The following NUMA1 variants were observed in gnomAD, a reference collection of about 807,000 sequenced individuals.
The protein encoded by NUMA1 is nuclear mitotic apparatus protein 1, also known as SP-H antigen.
NUMA1 carries 62 observed loss-of-function variants against 237.1 expected under a neutral mutation model. That is an observed-to-expected ratio of 0.26 (90% confidence interval 0.21 to 0.32). The LOEUF (loss-of-function observed/expected upper bound fraction) is 0.32. NUMA1 is among the 10% of genes least tolerant of loss of function. The pLI, the probability that NUMA1 is intolerant of heterozygous loss-of-function variation, is 1.00. For synonymous variants in NUMA1, 1,028 were observed against 1,066.1 expected (o/e 0.96, Z 0.70); for missense variants, 2,533 against 2,666.5 (o/e 0.95, Z 1.10).
rs1430244448 is a variant in NUMA1 at position 72,015,341 on chromosome 11, T to G, written c.2162A>C (p.Glu721Ala). Residue 721 changes from glutamate (E) to alanine (A), a missense_variant, in exon 15 of 27, where the codon GAG becomes GCG. Glu to Ala is a moderately radical substitution (Grantham distance 107, BLOSUM62 -1). Coordinates refer to ENST00000393695, the MANE Select transcript of NUMA1 (RefSeq NM_006185.4). This position sits in a 1 kb window ranked among gnomAD's most constrained non-coding sequence, Gnocchi z 4.0. ...LKVTKGSLEE[E>A]KRRAADALEE... ...CAGGGCATCTGCAGCCCTGCGCTTC[T>G]CCTCTTCAAGGCTGCCCTTGGTGAC... The G allele has an allele frequency of 1.2e-6, 2 of 1,613,358 alleles. No homozygotes were observed. The highest frequency in any genetic ancestry group is 8.5e-7 in the Non-Finnish European group (1 of 1,180,000).
rs773021038 is a variant in NUMA1 at position 72,005,255 on chromosome 11, G to C, written c.5807C>G (p.Thr1936Ser). 6.2e-7 allele frequency: 1 copy of C among 1,602,978 alleles called. No individual in the cohort carries two copies. Among genetic ancestry groups the C allele is most frequent in the East Asian group, 2.3e-5 (1 of 43,784 alleles). The change falls in exon 23 of 27, where the codon ACC (threonine) becomes AGC (serine). Residue 1936 changes from threonine to serine, a missense_variant. Thr to Ser is a moderately conservative substitution (Grantham distance 58). This residue lies in a region of NUMA1 where 795 missense variants were observed against 750.8 expected (regional missense o/e 1.06). Coordinates refer to ENST00000393695, the MANE Select transcript of NUMA1 (RefSeq NM_006185.4). ...CACCCTGGACTCCAGGGGATAGCAG[G>C]TCTTCAGATGTGGGGGGCACACTCG... ...RNRVCPPHLK[T>S]CYPLESRPSL...
intron 17 of NUMA1, among the ~76,000 whole-genome samples, chr11:72,010,105 C>T (rs1174458170): frequency 6.6e-6 from 1 of 152,138 alleles, no homozygotes; most frequent in Admixed American, 6.5e-5. Context: ...TTGTTTATTG[C>T]AATCAAGACA....
At chr11:72,047,670 G>A (rs1023510053) in intron 2 of NUMA1, among the ~76,000 whole-genome samples, 2 of 152,006 alleles carry the variant, frequency 1.3e-5, no homozygotes, top group Admixed American at 6.6e-5. Context: ...CTGCCAGGCA[G>A]GTCTATAAAG....
intron 2 of NUMA1, among the ~76,000 whole-genome samples, chr11:72,040,060 T>C (rs186520048): frequency 2.2e-4 from 34 of 152,262 alleles, no homozygotes; most frequent in African/African-American, 8.2e-4. Flanking sequence ...AGAGACGCCA[T>C]ACAGAGAAAA....
intron 2 of NUMA1, among the ~76,000 whole-genome samples, 168 bp from the exon 3 acceptor site, chr11:72,036,143 A>G (rs1289081101): frequency 1.3e-5 from 2 of 152,214 alleles, no homozygotes; most frequent in African/African-American, 4.8e-5. Flanking sequence ...CATGACAATT[A>G]CTATAGAGCT....
At chr11:72,063,055 G>A (rs1019080915) in intron 2 of NUMA1, among the ~76,000 whole-genome samples, 2 of 151,920 alleles carry the variant, frequency 1.3e-5, no homozygotes, top group African/African-American at 4.8e-5. Flanking sequence ...TGGGCAACAA[G>A]AGCGAAACTC....
In NUMA1 at chr11:72,014,356, T is replaced by C. The variant is rs138719127; in HGVS notation, c.3147A>G (p.Gln1049=). 5.0e-6 allele frequency: 8 copies of C among 1,613,470 alleles called. No homozygotes were observed. The highest frequency in any genetic ancestry group is 1.3e-5 in the African/African-American group (1 of 74,960). Residue 1049 remains glutamine (Q), a synonymous_variant, in exon 15 of 27, where the codon CAA becomes CAG. Coordinates refer to ENST00000393695, the MANE Select transcript of NUMA1 (RefSeq NM_006185.4). The surrounding 1 kb of genome is among the most constrained non-coding windows in gnomAD (Gnocchi z 4.6). Reference sequence around the variant, plus strand: ...CCGTCAGGGCATGAGCCAGTGCCTCTTGCAGGGTAGCGAACTCCACACGCT... The same window carrying C: ...CCGTCAGGGCATGAGCCAGTGCCTCCTGCAGGGTAGCGAACTCCACACGCT... ...NEQRVEFATL[Q]EALAHALTEK...
chr11:72,043,389 G>T lies in NUMA1; in HGVS notation c.-32-7414C>A, dbSNP rs61149366. ...TTTTTTTTTTTTTTTTTAAAGCAGG[G>T]TCTCACTCTGTCACCCAGGCTGGAG... On this transcript the variant is annotated intron_variant, in intron 2 of 26. Coordinates refer to ENST00000393695, the MANE Select transcript of NUMA1 (RefSeq NM_006185.4). 2.0e-3 allele frequency among the ~76,000 whole-genome samples: 282 copies of T among 138,046 alleles called. 9 individuals carry two copies. In the East Asian group the frequency reaches 0.055, roughly 27 times the overall value. The allele number at this position is 138,046 out of a possible 152,430, so 90.6% of individuals were successfully genotyped here.
intron 2 of NUMA1, among the ~76,000 whole-genome samples, chr11:72,061,230 C>A (rs1339740225): frequency 4.6e-5 from 7 of 152,138 alleles, no homozygotes; most frequent in Admixed American, 3.9e-4. Context: ...TAGAGCAAGA[C>A]CCTGTCTCAA....
chr11:72,004,617 C>CAT, intron 24 of NUMA1, 23 bp downstream of exon 24: 1 of 1,607,108 alleles, frequency 6.2e-7, no homozygotes, highest in Non-Finnish European at 8.5e-7. Flanking sequence ...GCTGGAGTAA[C>CAT]ACCCAGGAGC....
intron 12 of NUMA1, 94 bp from the exon 13 acceptor site, chr11:72,017,921 C>T: frequency 7.1e-7 from 1 of 1,399,662 alleles, no homozygotes; most frequent in East Asian, 2.3e-5. Context: ...TGGATGCCTC[C>T]AATTATCCTG....
chr11:72,079,457 T>G (rs553024674), intron 1 of NUMA1, among the ~76,000 whole-genome samples: 163 of 152,114 alleles, frequency 1.1e-3, no homozygotes, highest in Middle Eastern at 0.01. Context: ...AGGGAACTGT[T>G]TGAACCCGGG....
At chr11:72,021,791 T>A (rs1452748577) in intron 7 of NUMA1, among the ~76,000 whole-genome samples, 1 of 152,152 alleles carries the variant, frequency 6.6e-6, no homozygotes, top group Admixed American at 6.5e-5. Flanking sequence ...AAAAAATATT[T>A]TTTGTTGAGA....
intron 4 of NUMA1, chr11:72,024,895 T>TGTTG (rs1477998891): frequency 6.7e-6 from 1 of 150,312 alleles, no homozygotes. Flanking sequence ...ACTAGAGTGT[T>TGTTG]GTTTGTTTGT....
chr11:72,003,840 C>T, intron 26 of NUMA1, 47 bp downstream of exon 26: 1 of 1,590,050 alleles, frequency 6.3e-7, no homozygotes, highest in Non-Finnish European at 8.6e-7. Flanking sequence ...TGGGGGGTGC[C>T]CATGCTCTCA....
At chr11:72,030,974 A>G (rs1940228066) in intron 3 of NUMA1, among the ~76,000 whole-genome samples, 1 of 152,182 alleles carries the variant, frequency 6.6e-6, no homozygotes, top group South Asian at 2.1e-4. Flanking sequence ...AAATGGGATT[A>G]TGGATGCAAG....
chr11:72,058,681 G>A (rs1388534913), intron 2 of NUMA1, among the ~76,000 whole-genome samples: 1 of 152,188 alleles, frequency 6.6e-6, no homozygotes, highest in African/African-American at 2.4e-5. Context: ...ATCATCCTCA[G>A]GGTCCAGTGT....
chr11:72,007,972 C>CAAG lies in NUMA1; in HGVS notation c.5217-540_5217-538dup, dbSNP rs1332234006. 1.6e-5 allele frequency: 6 copies of CAAG among 386,756 alleles called. No individual in the cohort carries two copies. The Admixed American group carries it at 2.1e-4, about 13-fold the overall frequency. 24.0% of individuals were successfully genotyped at this position (386,756 alleles called of 1,614,324 possible). ...CAGAGGAAGATGAGTGGTGACAAGC[C>CAAG]AAGAACTCAGGCCAGGCTGCCCAGG... On this transcript the variant is annotated intron_variant, in intron 20 of 26. Coordinates refer to ENST00000393695, the MANE Select transcript of NUMA1 (RefSeq NM_006185.4).
chr11:72,073,129 C>A (rs1202572239), intron 1 of NUMA1, among the ~76,000 whole-genome samples: 1 of 147,412 alleles, frequency 6.8e-6, no homozygotes, highest in African/African-American at 2.5e-5. Context: ...GAGGCCGAGG[C>A]AGGAGGATTG....
Sources: gnomAD v4.1 joint callset for allele counts (sites outside exome capture counted in the v4.1 genomes callset) on GRCh38, gnomAD v4.1.1 for gene constraint, gnomAD v4.1.1 regional missense constraint, Gnocchi (gnomAD v3.1) non-coding constraint, MANE v1.5 for transcripts, NCBI Gene and HGNC (gene_info 2026-07-23, HGNC 2026-07-21) for gene names.